KATNB1: variants seen among roughly 807,000 people sequenced by gnomAD.
KATNB1 encodes the protein katanin regulatory subunit B1, also known as katanin p80 WD40 repeat-containing subunit B1.
KATNB1 carries 38 observed loss-of-function variants against 82.3 expected under a neutral mutation model. The ratio of observed to expected loss-of-function variants is 0.46; its 90% CI spans 0.36 to 0.61. The LOEUF (loss-of-function observed/expected upper bound fraction) is 0.61, where lower values mean the gene tolerates loss of function less well. Among genes scored for constraint, KATNB1 ranks in the 20% least tolerant of loss-of-function variants. The pLI is 0.00. For missense variants in KATNB1, 749 were observed against 915.7 expected, an observed-to-expected ratio of 0.82 and a Z score of 2.35; for synonymous variants, 361 against 368.7, an observed-to-expected ratio of 0.98 and a Z score of 0.24.
intron 4 of KATNB1, among the ~76,000 whole-genome samples, chr16:57,746,879 CT>C (rs782097641): frequency 6.6e-6 from 1 of 151,952 alleles, no homozygotes; most frequent in Non-Finnish European, 1.5e-5. Flanking sequence ...TTGCCTGATG[CT>C]TTTCTTTTCT....
chr16:57,751,229 ACT>A lies in KATNB1; in HGVS notation c.391-29_391-28del, dbSNP rs782201191. On this transcript the variant is annotated intron_variant, in intron 5 of 19. Coordinates refer to ENST00000379661, the MANE Select transcript of KATNB1 (RefSeq NM_005886.3). The surrounding 1 kb of genome is among the most constrained non-coding windows in gnomAD (Gnocchi z 6.3). ...CCAGTCGTGGCTCTGACCTCTCCTG[ACT>A]CTGCCCCTCTGCTTCTCTCTCCCCC... 3.7e-6 allele frequency: 6 copies of A among 1,610,496 alleles called. No individual in the cohort carries two copies. The highest frequency in any genetic ancestry group is 3.3e-5 in the South Asian group (3 of 90,984).
chr16:57,755,904 G>C lies in KATNB1; in HGVS notation c.1630G>C (p.Val544Leu). The C allele has an allele frequency of 6.3e-7, 1 of 1,598,746 alleles. No individual in the cohort carries two copies. Among genetic ancestry groups the C allele is most frequent in the Non-Finnish European group, 8.6e-7 (1 of 1,168,210 alleles). ...LSVVVDLLNIVNQKASLWKLD... is the reference protein window; with the variant it reads ...LSVVVDLLNILNQKASLWKLD... ...GGTGGTGGTGGACCTCCTGAACATC[G>C]TCAACCAGAAAGCGTAAGTGGCTGC... is the stretch of plus-strand genomic sequence containing the variant. Residue 544 changes from valine (V) to leucine (L), a missense_variant, in exon 17 of 20, where the codon GTC becomes CTC. Transcript: ENST00000379661.
At chr16:57,745,699 A>G (rs1414470472) in intron 4 of KATNB1, among the ~76,000 whole-genome samples, 1 of 152,040 alleles carries the variant, frequency 6.6e-6, no homozygotes, top group Non-Finnish European at 1.5e-5. Flanking sequence ...CACCATTTCA[A>G]TAGGTGGTGT....
At chr16:57,748,967 C>T (rs1379905620) in intron 4 of KATNB1, among the ~76,000 whole-genome samples, 1 of 152,188 alleles carries the variant, frequency 6.6e-6, no homozygotes, top group Admixed American at 6.5e-5. Flanking sequence ...GGAGGCAATG[C>T]CCAGCCCCCA....
chr16:57,742,036 C>T (rs933842722), intron 3 of KATNB1, among the ~76,000 whole-genome samples: 5 of 152,222 alleles, frequency 3.3e-5, no homozygotes, highest in Admixed American at 3.3e-4. Flanking sequence ...CCCAGCATGG[C>T]TGGGACAGTG....
In KATNB1 at chr16:57,744,521, C is replaced by T. The variant is rs199693921; in HGVS notation, c.289+10C>T. Reference sequence around the variant, plus strand: ...CTGGAAGCTGCCAAAAGTAGGCCTCCGAGCTTGCCTCCTGTGCACGCACAC... The same window carrying T: ...CTGGAAGCTGCCAAAAGTAGGCCTCTGAGCTTGCCTCCTGTGCACGCACAC... On this transcript the variant is annotated intron_variant, in intron 4 of 19. Transcript: ENST00000379661. The T allele has an allele frequency of 2.6e-5, 41 of 1,601,574 alleles. No individual in the cohort carries two copies. The highest frequency in any genetic ancestry group is 2.3e-4 in the Admixed American group (14 of 59,990).
rs1555585531 is a variant in KATNB1 at position 57,755,356 on chromosome 16, C to A, written c.1428C>A (p.Ile476=). 1.2e-6 allele frequency: 2 copies of A among 1,613,154 alleles called. No homozygotes were observed. The highest frequency in any genetic ancestry group is 1.3e-5 in the African/African-American group (1 of 75,064). Residue 476 remains isoleucine (I), a synonymous_variant, in exon 16 of 20, where the codon ATC becomes ATA. Coordinates refer to ENST00000379661, the MANE Select transcript of KATNB1 (RefSeq NM_005886.3). ...KASDFLPAVK[I]PQQAELVDED... is the part of the protein sequence containing the mutation. ...TCCATCCCACGCAGGCCGTGAAGAT[C>A]CCCCAGCAGGCCGAGCTGGTGGACG...
rs781911282 is a variant in KATNB1 at position 57,752,905 on chromosome 16, C to G, written c.832C>G (p.Leu278Val). The change falls in exon 10 of 20, where the codon CTG becomes GTG. Residue 278 changes from leucine (L) to valine (V), a missense_variant. By Grantham distance (32) the Leu-to-Val change is conservative (BLOSUM62 1). Transcript: ENST00000379661. Reference protein sequence around the residue: ...VLVNWGKVADLAICNDQLIGV... With the variant: ...VLVNWGKVADVAICNDQLIGV... ...CGTCAACTGGGGCAAGGTGGCCGAC[C>G]TGGCCATCTGCAATGACCAGTTGGT... 1 of 1,605,144 alleles carries G rather than the reference C, an allele frequency of 6.2e-7. No homozygotes were observed.
intron 3 of KATNB1, 127 bp downstream of exon 3, chr16:57,741,944 GC>G: frequency 1.7e-6 from 2 of 1,150,144 alleles, no homozygotes; most frequent in Non-Finnish European, 2.5e-6. Flanking sequence ...ATCCGCTGGG[GC>G]CCAGCTCAGG....
At chr16:57,741,615 G>A in intron 2 of KATNB1, 72 bp from the exon 3 acceptor site, 2 of 1,525,378 alleles carry the variant, frequency 1.3e-6, no homozygotes, top group South Asian at 1.2e-5. Flanking sequence ...GGGTAGCCGA[G>A]CAGGGTCACC....
intron 16 of KATNB1, 53 bp from the exon 17 acceptor site, chr16:57,755,782 CCTCACA>C (rs782821140): frequency 2.0e-6 from 3 of 1,503,070 alleles, no homozygotes; most frequent in Non-Finnish European, 1.8e-6. Context: ...CCACCCTCAC[CCTCACA>C]GGGCCACACT....
rs1001203480 is a variant in KATNB1 at position 57,738,444 on chromosome 16, C to T, written c.40+1161C>T. ...CTAATTTTTGTATTTTTAGTAGAGA[C>T]GGGGTTTCACCATGTTGGCCAGACT... On this transcript the variant is annotated intron_variant, in intron 2 of 19. Coordinates refer to ENST00000379661, the MANE Select transcript of KATNB1 (RefSeq NM_005886.3). Among the ~76,000 whole-genome samples the T allele has an allele frequency of 5.9e-5, 9 of 151,856 alleles. No individual in the cohort carries two copies. In the South Asian group the frequency reaches 1.2e-3, roughly 21 times the overall value.
At chr16:57,736,901 T>C (rs2049104223) in intron 1 of KATNB1, 77 bp from the exon 2 acceptor site, 1 of 556,560 alleles carries the variant, frequency 1.8e-6, no homozygotes, top group Non-Finnish European at 3.4e-6. Context: ...CTTTATCAAG[T>C]GGTCTTGGTG....
At position 57,756,941 on chromosome 16, in the gene KATNB1, G is replaced by A; in HGVS notation, c.1963G>A (p.Asp655Asn). 6.5e-7 allele frequency: 1 copy of A among 1,536,616 alleles called. No homozygotes were observed. The highest frequency in any genetic ancestry group is 8.8e-7 in the Non-Finnish European group (1 of 1,137,962). Reference protein sequence around the residue: ...RELHLLMASLD With the variant: ...RELHLLMASLN ...GCTGCACCTGCTCATGGCCAGTCTGGACTGAGGAAAGCAGTGGGCAGGGGC... is the reference window on the plus strand; with the variant it reads ...GCTGCACCTGCTCATGGCCAGTCTGAACTGAGGAAAGCAGTGGGCAGGGGC... The change falls in exon 20 of 20, where the codon GAC (aspartate) becomes AAC (asparagine). Residue 655 changes from aspartate (D) to asparagine (N), a missense_variant. Physicochemically the swap from Asp to Asn is conservative, Grantham distance 23. This residue lies in a region of KATNB1 where 95 missense variants were observed against 131.6 expected (regional missense o/e 0.72). Transcript: ENST00000379661.
At position 57,754,923 on chromosome 16, in the gene KATNB1, C is replaced by T. The variant is rs2049263209; in HGVS notation, c.1229-7C>T. 1.2e-6 allele frequency: 2 copies of T among 1,613,972 alleles called. No individual in the cohort carries two copies. Among genetic ancestry groups the T allele is most frequent in the Non-Finnish European group, 1.7e-6 (2 of 1,180,006 alleles). ...CGGACCCAGTCATCTTTTCCTTTTG[C>T]CTCCAGACGCAGCCACAGCAAAGGA... On this transcript the variant is annotated splice_polypyrimidine_tract_variant and splice_region_variant and intron_variant, in intron 13 of 19. Transcript: ENST00000379661.
chr16:57,748,032 A>C (rs1403226273), intron 4 of KATNB1, among the ~76,000 whole-genome samples: 1 of 152,114 alleles, frequency 6.6e-6, no homozygotes, highest in Non-Finnish European at 1.5e-5. Context: ...TCTGGATTTT[A>C]ATAAGCTTCC....
rs782445055 is a variant in KATNB1 at position 57,753,238 on chromosome 16, G to A, written c.1017G>A (p.Arg339=). The stretch of plus-strand genomic sequence containing the variant: ...CCCCCCTCCGGCGCATCTATGAGCG[G>A]CCCAGCACAACCTGCAGCAAGCCTC... ...PSAPLRRIYE[R]PSTTCSKPQR... Residue 339 remains arginine (R), a synonymous_variant, in exon 11 of 20, where the codon CGG becomes CGA. Coordinates refer to ENST00000379661, the MANE Select transcript of KATNB1 (RefSeq NM_005886.3). 1 of 1,602,794 alleles carries A rather than the reference G, an allele frequency of 6.2e-7. No individual in the cohort carries two copies. The highest frequency in any genetic ancestry group is 1.1e-5 in the South Asian group (1 of 90,740).
chr16:57,738,975 G>C (rs1174595560), intron 2 of KATNB1, among the ~76,000 whole-genome samples: 7 of 152,098 alleles, frequency 4.6e-5, no homozygotes, highest in Non-Finnish European at 8.8e-5. Flanking sequence ...GGGTAGGGGT[G>C]GGGTGGGAAT....
intron 4 of KATNB1, among the ~76,000 whole-genome samples, chr16:57,749,648 C>A (rs1386971578): frequency 6.6e-6 from 1 of 152,182 alleles, no homozygotes; most frequent in Non-Finnish European, 1.5e-5. Context: ...AATTATGAAT[C>A]TTTCCAAAAG....
Sources: gnomAD v4.1 joint callset for allele counts (sites outside exome capture counted in the v4.1 genomes callset) on GRCh38, gnomAD v4.1.1 for gene constraint, gnomAD v4.1.1 regional missense constraint, Gnocchi (gnomAD v3.1) non-coding constraint, MANE v1.5 for transcripts, NCBI Gene and HGNC (gene_info 2026-07-23, HGNC 2026-07-21) for gene names.